RORB: variants seen among roughly 807,000 people sequenced by gnomAD.
RORB encodes nuclear receptor ROR-beta.
Under a neutral mutation model 59.1 loss-of-function variants are expected in RORB, and 6 were observed. The ratio of observed to expected loss-of-function variants is 0.10; its 90% CI spans 0.06 to 0.20. RORB has a LOEUF of 0.20. Among genes scored for constraint, RORB ranks in the 10% least tolerant of loss-of-function variants. RORB has a pLI of 1.00. For missense variants in RORB, 320 were observed against 560.5 expected (o/e 0.57, Z 4.33); for synonymous variants, 215 against 204.5 (o/e 1.05, Z -0.44).
At chr9:74,623,441 C>CTTT (rs35945048) in intron 1 of RORB, among the ~76,000 whole-genome samples, 4 of 145,436 alleles carry the variant, frequency 2.8e-5, no homozygotes, top group Non-Finnish European at 6.0e-5. Context: ...TTTTCTCTCT[C>CTTT]TTTTTTTTTT....
At chr9:74,615,783 G>A (rs1823303373) in intron 1 of RORB, 1 of 284,744 alleles carries the variant, frequency 3.5e-6, no homozygotes, top group African/African-American at 2.2e-5. Flanking sequence ...ACTCAGGAAT[G>A]TATATAATAA....
At chr9:74,537,625 C>G (rs1826340349) in intron 1 of RORB, among the ~76,000 whole-genome samples, 1 of 151,988 alleles carries the variant, frequency 6.6e-6, no homozygotes, top group South Asian at 2.1e-4. Flanking sequence ...AGCTTTGTTG[C>G]TGACTAGTTG....
At chr9:74,673,115 G>A (rs2118550240) in intron 9 of RORB, among the ~76,000 whole-genome samples, 1 of 152,278 alleles carries the variant, frequency 6.6e-6, no homozygotes, top group Non-Finnish European at 1.5e-5. Flanking sequence ...TTATTAGGTG[G>A]TCAAGGACAA....
chr9:74,560,063 G>C (rs921324084), intron 1 of RORB, among the ~76,000 whole-genome samples: 1 of 152,122 alleles, frequency 6.6e-6, no homozygotes, highest in Non-Finnish European at 1.5e-5. Context: ...AAGCTATTCA[G>C]AAAATGCCAA....
intron 1 of RORB, among the ~76,000 whole-genome samples, chr9:74,570,302 T>G (rs1488467178): frequency 6.6e-6 from 1 of 152,102 alleles, no homozygotes; most frequent in African/African-American, 2.4e-5. Flanking sequence ...AATGTGTAAA[T>G]GAATATGTAT....
intron 1 of RORB, among the ~76,000 whole-genome samples, chr9:74,598,365 G>A (rs1268746051): frequency 6.6e-6 from 1 of 152,100 alleles, no homozygotes; most frequent in Non-Finnish European, 1.5e-5. Context: ...GATCCTAACA[G>A]CCCACTCTCG....
intron 1 of RORB, among the ~76,000 whole-genome samples, chr9:74,575,654 C>A (rs556364366): frequency 3.3e-4 from 50 of 152,096 alleles, no homozygotes; most frequent in African/African-American, 1.1e-3. Flanking sequence ...TAAAAAAAAT[C>A]TGACTACTAG....
chr9:74,610,614 C>T (rs1462988074), intron 1 of RORB, among the ~76,000 whole-genome samples: 1 of 152,154 alleles, frequency 6.6e-6, no homozygotes, highest in Non-Finnish European at 1.5e-5. Flanking sequence ...TTGGGGGAGA[C>T]ACACACATTC....
intron 1 of RORB, among the ~76,000 whole-genome samples, chr9:74,622,979 A>C (rs1361830638): frequency 2.6e-5 from 4 of 152,154 alleles, no homozygotes; most frequent in African/African-American, 9.7e-5. Flanking sequence ...ATAAATATCC[A>C]TCATGACCAT....
intron 1 of RORB, among the ~76,000 whole-genome samples, chr9:74,617,014 A>G (rs867521172): frequency 4.6e-5 from 7 of 152,114 alleles, no homozygotes; most frequent in African/African-American, 1.7e-4. Flanking sequence ...TTCCTACGGT[A>G]GAATACCTGG....
At chr9:74,563,833 C>A (rs1309885447) in intron 1 of RORB, among the ~76,000 whole-genome samples, 1 of 152,196 alleles carries the variant, frequency 6.6e-6, no homozygotes, top group Non-Finnish European at 1.5e-5. Context: ...GATGCAGACA[C>A]TGCCAGAGCT....
At chr9:74,556,694 A>C (rs924409183) in intron 1 of RORB, among the ~76,000 whole-genome samples, 1 of 152,172 alleles carries the variant, frequency 6.6e-6, no homozygotes, top group Non-Finnish European at 1.5e-5. Context: ...AAAATTCACC[A>C]GGAAAGTCAT....
chr9:74,502,245 C>A (rs1392460657), intron 1 of RORB, among the ~76,000 whole-genome samples: 1 of 151,972 alleles, frequency 6.6e-6, no homozygotes, highest in African/African-American at 2.4e-5. Flanking sequence ...TTTTACTACA[C>A]CAAATTACAA....
intron 8 of RORB, among the ~76,000 whole-genome samples, chr9:74,668,969 T>C (rs930761213): frequency 6.6e-6 from 1 of 152,192 alleles, no homozygotes; most frequent in African/African-American, 2.4e-5. Context: ...GTGGACATTC[T>C]GGTGCCAGCT....
chr9:74,547,093 C>A (rs1402219457), intron 1 of RORB, among the ~76,000 whole-genome samples: 1 of 151,966 alleles, frequency 6.6e-6, no homozygotes. Context: ...GACTCCATCT[C>A]AAAAAAATAA....
intron 1 of RORB, among the ~76,000 whole-genome samples, chr9:74,528,075 C>T (rs1321085335): frequency 2.0e-5 from 3 of 151,944 alleles, no homozygotes; most frequent in African/African-American, 7.2e-5. Context: ...TTAAAAGAAA[C>T]TCCAAATCTG....
intron 1 of RORB, among the ~76,000 whole-genome samples, chr9:74,543,226 C>T (rs1826435894): frequency 6.6e-6 from 1 of 152,074 alleles, no homozygotes; most frequent in Admixed American, 6.6e-5. Context: ...TTCTTTCCAC[C>T]ACATACGGCA....
chr9:74,531,697 T>A (rs1406807604), intron 1 of RORB, among the ~76,000 whole-genome samples: 1 of 151,992 alleles, frequency 6.6e-6, no homozygotes, highest in Non-Finnish European at 1.5e-5. Context: ...AAATAAGCCC[T>A]ACATTTTTTA....
At chr9:74,560,221 C>T (rs1822375234) in intron 1 of RORB, among the ~76,000 whole-genome samples, 1 of 152,126 alleles carries the variant, frequency 6.6e-6, no homozygotes, top group Non-Finnish European at 1.5e-5. Flanking sequence ...GTTTACCATA[C>T]AGCTTAGTCT....
Sources: allele counts gnomAD v4.1 joint callset (sites outside exome capture counted in the v4.1 genomes callset), GRCh38; gene constraint gnomAD v4.1.1; transcripts MANE v1.5; gene names NCBI Gene and HGNC (gene_info 2026-07-23, HGNC 2026-07-21).